The following TYW1 variants were observed in gnomAD, a reference collection of about 807,000 sequenced individuals.
The protein encoded by TYW1 is tRNA-yW synthesizing protein 1 homolog.
In TYW1, 46 loss-of-function variants were observed where a neutral mutation model predicts 96.2. The ratio of observed to expected loss-of-function variants is 0.48; its 90% CI spans 0.38 to 0.61. The LOEUF is 0.61. TYW1 is among the 20% of genes least tolerant of loss of function. The probability of loss-of-function intolerance (pLI) is 0.00; values close to 1 mark genes in which losing one functional copy is unlikely to be tolerated. For synonymous variants in TYW1, 274 were observed against 323.0 expected (o/e 0.85, Z 1.63); for missense variants, 684 against 909.6 (o/e 0.75, Z 3.19).
intron 10 of TYW1, among the ~76,000 whole-genome samples, chr7:67,079,903 A>T (rs1796327861): frequency 6.6e-6 from 1 of 152,164 alleles, no homozygotes; most frequent in African/African-American, 2.4e-5. Flanking sequence ...TAGGTTCCAA[A>T]GTTCCTTTTA....
chr7:67,112,535 G>T (rs112590250), intron 12 of TYW1, among the ~76,000 whole-genome samples: 7 of 151,666 alleles, frequency 4.6e-5, no homozygotes, highest in African/African-American at 1.5e-4. Context: ...AGAGTTGCTT[G>T]AACCCGGGAG....
intron 6 of TYW1, among the ~76,000 whole-genome samples, chr7:67,019,738 A>G (rs1794174636): frequency 6.6e-6 from 1 of 152,292 alleles, no homozygotes; most frequent in African/African-American, 2.4e-5. Flanking sequence ...CTTTTGTTAC[A>G]AGCAGGTTTT....
At chr7:67,220,937 G>C (rs1407116241) in intron 15 of TYW1, among the ~76,000 whole-genome samples, 1 of 151,638 alleles carries the variant, frequency 6.6e-6, no homozygotes, top group Non-Finnish European at 1.5e-5. Context: ...GGGTTGGTCA[G>C]GCTGGTCTTG....
rs904703200 is a variant in TYW1 at position 67,045,388 on chromosome 7, AT to A, written c.985-4551del. Among the ~76,000 whole-genome samples, 13 of 118,896 alleles carry A rather than the reference AT, an allele frequency of 1.1e-4. No homozygotes were observed. The South Asian group carries it at 2.3e-3, about 21-fold the overall frequency. 78.0% of individuals were successfully genotyped at this position (118,896 alleles called of 152,430 possible). ...ACCACACCTGGCTAATTAAAAAAAA[AT>A]TTTTTTTTTGTAGAGCTGAGATCTC... On this transcript the variant is annotated intron_variant, in intron 7 of 15. Transcript: ENST00000359626.
chr7:67,168,820 T>C (rs1481183039), intron 13 of TYW1, among the ~76,000 whole-genome samples: 1 of 152,166 alleles, frequency 6.6e-6, no homozygotes, highest in Non-Finnish European at 1.5e-5. Flanking sequence ...CAAGCGGTTC[T>C]CCTGCCTCAG....
chr7:67,113,629 C>T (rs1293619782), intron 12 of TYW1, among the ~76,000 whole-genome samples: 2 of 143,886 alleles, frequency 1.4e-5, no homozygotes, highest in Non-Finnish European at 3.0e-5. Flanking sequence ...TTCTTTCTTT[C>T]TTTTTCTTTT....
chr7:67,161,152 C>T (rs1799153274), intron 13 of TYW1, among the ~76,000 whole-genome samples: 1 of 152,190 alleles, frequency 6.6e-6, no homozygotes, highest in Admixed American at 6.5e-5. Context: ...TGTTTTCTAG[C>T]ATAAAATACA....
intron 13 of TYW1, among the ~76,000 whole-genome samples, chr7:67,119,774 G>A (rs1430170825): frequency 1.3e-5 from 2 of 151,952 alleles, no homozygotes; most frequent in Non-Finnish European, 2.9e-5. Flanking sequence ...TACACTTTAA[G>A]GTATTTGATA....
intron 13 of TYW1, among the ~76,000 whole-genome samples, chr7:67,119,211 C>T (rs6951192): frequency 0.28 from 41,784 of 151,540 alleles, 6,587 homozygotes; most frequent in African/African-American, 0.44. Context: ...GACAATCACC[C>T]CAGGAGCTTA....
Position 67,158,456 on chromosome 7 carries a change from C to T in TYW1, c.1699-24670C>T, listed in dbSNP as rs140731120. On this transcript the variant is annotated intron_variant, in intron 13 of 15. Transcript: ENST00000359626. Reference sequence around the variant, plus strand: ...GCTTTTCATCGTCAATTGATATGATCATATGATTTTTCTGTACTAGCCTGC... The same window carrying T: ...GCTTTTCATCGTCAATTGATATGATTATATGATTTTTCTGTACTAGCCTGC... Among the ~76,000 whole-genome samples, 814 of 152,140 alleles carry T rather than the reference C, an allele frequency of 5.4e-3. 4 individuals carry two copies. The highest frequency in any genetic ancestry group is 0.019 in the African/African-American group (784 of 41,508).
chr7:67,022,039 T>C (rs1018318430), intron 6 of TYW1, among the ~76,000 whole-genome samples: 1 of 152,104 alleles, frequency 6.6e-6, no homozygotes, highest in Admixed American at 6.6e-5. Flanking sequence ...GCCTCCTGAG[T>C]AGCTGGGCCT....
At chr7:67,129,662 A>C (rs1335729717) in intron 13 of TYW1, among the ~76,000 whole-genome samples, 1 of 152,176 alleles carries the variant, frequency 6.6e-6, no homozygotes, top group Admixed American at 6.5e-5. Flanking sequence ...CGTCCAAGCA[A>C]CTTTCTTGCT....
At chr7:67,009,224 T>C (rs1408486257) in intron 3 of TYW1, among the ~76,000 whole-genome samples, 1 of 152,008 alleles carries the variant, frequency 6.6e-6, no homozygotes, top group African/African-American at 2.4e-5. Context: ...TTGTCCAGGC[T>C]TGGCCTCAAG....
At chr7:67,194,955 A>G (rs1800341995) in intron 14 of TYW1, among the ~76,000 whole-genome samples, 2 of 145,744 alleles carry the variant, frequency 1.4e-5, no homozygotes, top group Non-Finnish European at 3.0e-5. Flanking sequence ...GCAATGTCAT[A>G]GAGTAGCAAG....
intron 15 of TYW1, among the ~76,000 whole-genome samples, chr7:67,233,794 A>G (rs1801807301): frequency 7.4e-6 from 1 of 136,000 alleles, no homozygotes; most frequent in Non-Finnish European, 1.6e-5. Flanking sequence ...ATTATTCAGT[A>G]TGATTCGTCT....
chr7:67,050,625 C>T (rs1448106293), intron 8 of TYW1, among the ~76,000 whole-genome samples: 3 of 151,900 alleles, frequency 2.0e-5, no homozygotes, highest in African/African-American at 4.8e-5. Flanking sequence ...TTCAAGGAAC[C>T]GTCGGTCTGG....
At chr7:67,214,305 G>A (rs1317099585) in intron 15 of TYW1, among the ~76,000 whole-genome samples, 4 of 152,052 alleles carry the variant, frequency 2.6e-5, no homozygotes, top group Admixed American at 2.6e-4. Flanking sequence ...TTCCTTGCTA[G>A]TATATAGGAA....
chr7:67,108,899 A>T (rs1797318035), intron 12 of TYW1, among the ~76,000 whole-genome samples: 2 of 152,216 alleles, frequency 1.3e-5, no homozygotes, highest in Admixed American at 1.3e-4. Flanking sequence ...ATACCAAGAG[A>T]TAATTAGAAT....
chr7:67,008,285 G>A (rs1793672435), intron 3 of TYW1, among the ~76,000 whole-genome samples: 1 of 152,164 alleles, frequency 6.6e-6, no homozygotes, highest in Non-Finnish European at 1.5e-5. Flanking sequence ...CATTGTTCAG[G>A]GGTTTTTCTT....
Sources: allele counts gnomAD v4.1 joint callset (sites outside exome capture counted in the v4.1 genomes callset), GRCh38; gene constraint gnomAD v4.1.1; transcripts MANE v1.5; gene names NCBI Gene and HGNC (gene_info 2026-07-23, HGNC 2026-07-21).